The following PTPRG variants were observed in gnomAD, a reference collection of about 807,000 sequenced individuals.
PTPRG encodes the protein protein tyrosine phosphatase receptor type G, also known as receptor-type tyrosine-protein phosphatase gamma.
PTPRG carries 102 observed loss-of-function variants against 165.3 expected under a neutral mutation model. That is an observed-to-expected ratio of 0.62 (90% CI 0.53 to 0.73). PTPRG has a LOEUF of 0.73. Ranked by LOEUF, PTPRG falls within the 30% of genes least tolerant of loss-of-function variation. The probability of loss-of-function intolerance (pLI) is 0.00; values close to 1 mark genes in which losing one functional copy is unlikely to be tolerated. For synonymous variants in PTPRG, 675 were observed against 669.5 expected (o/e 1.01, Z -0.13); for missense variants, 1,866 against 1,861.4 (o/e 1.00, Z -0.05).
intron 1 of PTPRG, among the ~76,000 whole-genome samples, chr3:61,732,754 A>AATC (rs1559580070): frequency 5.8e-5 from 8 of 138,916 alleles, no homozygotes; most frequent in Non-Finnish European, 1.1e-4. Context: ...ATAAATAAAT[A>AATC]AATAAATCTT....
At chr3:61,566,655 G>A (rs1160691532) in intron 1 of PTPRG, among the ~76,000 whole-genome samples, 3 of 152,124 alleles carry the variant, frequency 2.0e-5, no homozygotes, top group Non-Finnish European at 4.4e-5. Context: ...CTACAGGCAC[G>A]TGCCACTATG....
chr3:62,202,786 G>A (rs1700125905), intron 11 of PTPRG, among the ~76,000 whole-genome samples: 1 of 152,076 alleles, frequency 6.6e-6, no homozygotes, highest in South Asian at 2.1e-4. Context: ...AAAATCAAAG[G>A]TCTTCTGCCT....
At chr3:61,800,116 GA>G (rs1249914259) in intron 2 of PTPRG, among the ~76,000 whole-genome samples, 1 of 152,164 alleles carries the variant, frequency 6.6e-6, no homozygotes, top group African/African-American at 2.4e-5. Context: ...CCAGTGCCTG[GA>G]AAATTGTAAT....
At chr3:62,281,537 G>GTTTT in intron 26 of PTPRG, 26 bp from the exon 27 acceptor site, 1 of 174,778 alleles carries the variant, frequency 5.7e-6, no homozygotes, top group Non-Finnish European at 8.2e-6. Context: ...AACTGCAGAG[G>GTTTT]CTTTTTTTTT....
chr3:61,756,101 T>G (rs2033625755), intron 2 of PTPRG, among the ~76,000 whole-genome samples: 1 of 152,196 alleles, frequency 6.6e-6, no homozygotes, highest in South Asian at 2.1e-4. Context: ...TGCATTTGTT[T>G]TGAAATAAGT....
chr3:62,079,061 A>C (rs185000279), intron 5 of PTPRG, among the ~76,000 whole-genome samples: 1 of 152,358 alleles, frequency 6.6e-6, no homozygotes. Context: ...TTGGAAAATG[A>C]AGTCTTTTTG....
At chr3:61,640,342 G>A (rs1702027182) in intron 1 of PTPRG, among the ~76,000 whole-genome samples, 1 of 152,046 alleles carries the variant, frequency 6.6e-6, no homozygotes, top group South Asian at 2.1e-4. Context: ...TAGGTCCTGG[G>A]GTATACACCT....
chr3:62,165,982 T>G (rs1401343066), intron 7 of PTPRG, among the ~76,000 whole-genome samples: 5 of 151,952 alleles, frequency 3.3e-5, no homozygotes, highest in Non-Finnish European at 5.9e-5. Context: ...TCCACATTAG[T>G]ATTAACTGCC....
intron 2 of PTPRG, among the ~76,000 whole-genome samples, chr3:61,762,478 G>T (rs2033882054): frequency 6.6e-6 from 1 of 151,454 alleles, no homozygotes; most frequent in African/African-American, 2.4e-5. Context: ...GGGTGTAGTG[G>T]TGGGTGCCTG....
intron 1 of PTPRG, among the ~76,000 whole-genome samples, chr3:61,708,282 A>G (rs1215171993): frequency 6.6e-6 from 1 of 151,872 alleles, no homozygotes; most frequent in Non-Finnish European, 1.5e-5. Context: ...ACTAGTGAAG[A>G]GGGCATGATG....
chr3:61,945,689 G>C (rs958506503), intron 2 of PTPRG, among the ~76,000 whole-genome samples: 5 of 151,894 alleles, frequency 3.3e-5, no homozygotes, highest in Non-Finnish European at 7.4e-5. Flanking sequence ...ATAATAGCAG[G>C]CTGCAAACAT....
intron 1 of PTPRG, among the ~76,000 whole-genome samples, chr3:61,642,469 C>T (rs1210266115): frequency 6.6e-6 from 1 of 152,126 alleles, no homozygotes; most frequent in Non-Finnish European, 1.5e-5. Flanking sequence ...GAAGAGTGAT[C>T]TGGTTCTACA....
chr3:62,289,906 T>C (rs371893116), intron 28 of PTPRG, among the ~76,000 whole-genome samples: 12 of 152,112 alleles, frequency 7.9e-5, no homozygotes, highest in African/African-American at 2.2e-4. Flanking sequence ...AAGCAGAAGA[T>C]AGAAGAAGCG....
chr3:61,635,356 AAAT>A (rs1457970527), intron 1 of PTPRG, among the ~76,000 whole-genome samples: 2 of 148,452 alleles, frequency 1.3e-5, no homozygotes, highest in African/African-American at 4.9e-5. Context: ...TTATATATAT[AAAT>A]AATAATTATT....
chr3:61,775,513 A>G (rs973899006), intron 2 of PTPRG, among the ~76,000 whole-genome samples: 3 of 152,146 alleles, frequency 2.0e-5, no homozygotes, highest in Admixed American at 1.3e-4. Flanking sequence ...AGAAATGCTA[A>G]CCTCATAATG....
intron 2 of PTPRG, among the ~76,000 whole-genome samples, chr3:61,856,078 G>A (rs947060387): frequency 6.6e-6 from 1 of 152,142 alleles, no homozygotes; most frequent in South Asian, 2.1e-4. Flanking sequence ...GCTAGTGACA[G>A]TCAAGTGTGA....
rs747211567 is a variant in PTPRG at position 62,003,442 on chromosome 3, G to C, written c.464G>C (p.Ser155Thr). Residue 155 changes from serine (S) to threonine (T), a missense_variant, in exon 4 of 30, where the codon AGC becomes ACC. Physicochemically the swap from Ser to Thr is moderately conservative, Grantham distance 58. Around this residue, in one of 3 missense-constraint regions of PTPRG, gnomAD observed 408 missense variants for 376.2 expected, o/e 1.08. Coordinates refer to ENST00000474889, the MANE Select transcript of PTPRG (RefSeq NM_002841.4). ...AAGGTGGAATTTCACTGGGGCCACA[G>C]CAATGGCTCAGCGGGCTCTGAACAC... ...AEKVEFHWGH[S>T]NGSAGSEHSI... is the part of the protein sequence containing the mutation. 3 of 1,613,952 alleles carry C rather than the reference G, an allele frequency of 1.9e-6. No individual in the cohort carries two copies. The highest frequency in any genetic ancestry group is 2.5e-6 in the Non-Finnish European group (3 of 1,179,972).
chr3:62,178,175 ATGG>A (rs1705505497), intron 8 of PTPRG, among the ~76,000 whole-genome samples: 1 of 151,652 alleles, frequency 6.6e-6, no homozygotes, highest in Non-Finnish European at 1.5e-5. Context: ...GGATGGATGG[ATGG>A]ATGGATGCAC....
chr3:61,714,398 G>T (rs547543571), intron 1 of PTPRG, among the ~76,000 whole-genome samples: 15 of 152,240 alleles, frequency 9.9e-5, no homozygotes, highest in Admixed American at 6.5e-4. Flanking sequence ...TCCTTAGTCT[G>T]TTCTTCCTCC....
Sources: gnomAD v4.1 joint callset for allele counts (sites outside exome capture counted in the v4.1 genomes callset) on GRCh38, gnomAD v4.1.1 for gene constraint, gnomAD v4.1.1 regional missense constraint, MANE v1.5 for transcripts, NCBI Gene and HGNC (gene_info 2026-07-23, HGNC 2026-07-21) for gene names.